SCN11A: variants seen among roughly 807,000 people sequenced by gnomAD.
SCN11A encodes sodium channel protein type 11 subunit alpha.
A neutral mutation model predicts 162.2 loss-of-function variants in SCN11A; 122 were observed. The ratio of observed to expected loss-of-function variants is 0.75; its 90% CI spans 0.65 to 0.87. The LOEUF (loss-of-function observed/expected upper bound fraction) is 0.87. SCN11A is among the 40% of genes least tolerant of loss of function. The probability of loss-of-function intolerance (pLI) is 0.00; values close to 1 mark genes in which losing one functional copy is unlikely to be tolerated. For synonymous variants in SCN11A, 758 were observed against 751.5 expected (o/e 1.01, Z -0.14); for missense variants, 2,015 against 2,181.6 (o/e 0.92, Z 1.52).
intron 23 of SCN11A, among the ~76,000 whole-genome samples, chr3:38,877,127 GTATATACTA>G (rs1559501681): frequency 1.5e-4 from 5 of 33,092 alleles, no homozygotes; most frequent in African/African-American, 5.8e-4. Context: ...TATATATGGT[GTATATACTA>G]TATATATGGT....
intron 28 of SCN11A, among the ~76,000 whole-genome samples, chr3:38,853,128 G>T (rs2126081744): frequency 6.6e-6 from 1 of 152,334 alleles, no homozygotes; most frequent in East Asian, 1.9e-4. Flanking sequence ...CATGCTCTGT[G>T]CAGTGCATCT....
intron 2 of SCN11A, among the ~76,000 whole-genome samples, chr3:38,970,464 AC>A (rs889757226): frequency 4.6e-5 from 7 of 152,254 alleles, no homozygotes; most frequent in Non-Finnish European, 1.5e-5. Context: ...ATTAAAGGTA[AC>A]TTTCTCTTTT....
chr3:38,861,187 G>A (rs949800282), intron 28 of SCN11A, among the ~76,000 whole-genome samples: 10 of 151,882 alleles, frequency 6.6e-5, no homozygotes, highest in Non-Finnish European at 2.9e-5. Flanking sequence ...CCCAACCAAG[G>A]AGATGAAAGA....
chr3:38,958,280 G>A (rs1013834604), intron 3 of SCN11A, among the ~76,000 whole-genome samples: 1 of 101,596 alleles, frequency 9.8e-6, no homozygotes, highest in African/African-American at 4.0e-5. Flanking sequence ...GTGAGGGCAG[G>A]GATTTCTCTT....
At chr3:38,889,082 A>G (rs1393614059) in intron 19 of SCN11A, among the ~76,000 whole-genome samples, 2 of 152,156 alleles carry the variant, frequency 1.3e-5, no homozygotes, top group African/African-American at 2.4e-5. Flanking sequence ...GCATAAGGGG[A>G]AAATCTTTTT....
intron 17 of SCN11A, among the ~76,000 whole-genome samples, chr3:38,898,834 G>A (rs2065648613): frequency 1.3e-5 from 2 of 152,046 alleles, no homozygotes; most frequent in African/African-American, 4.8e-5. Context: ...GGGGAGCTAG[G>A]AGCATCCCAG....
intron 23 of SCN11A, among the ~76,000 whole-genome samples, chr3:38,876,879 A>C (rs912734259): frequency 6.6e-6 from 1 of 151,904 alleles, no homozygotes; most frequent in Non-Finnish European, 1.5e-5. Context: ...GGAAATCATT[A>C]TATGAAAAAG....
chr3:38,888,198 G>A (rs1013998431), intron 19 of SCN11A, among the ~76,000 whole-genome samples: 4 of 152,210 alleles, frequency 2.6e-5, no homozygotes, highest in Non-Finnish European at 2.9e-5. Context: ...AGCTGCATAC[G>A]TAGGGAGACA....
intron 7 of SCN11A, among the ~76,000 whole-genome samples, chr3:38,941,737 T>TTAA: frequency 6.6e-6 from 1 of 150,832 alleles, no homozygotes; most frequent in Non-Finnish European, 1.5e-5. Flanking sequence ...ATATACATGA[T>TTAA]TAACACAAAA....
At chr3:38,924,645 T>C (rs1243363802) in intron 9 of SCN11A, among the ~76,000 whole-genome samples, 2 of 152,116 alleles carry the variant, frequency 1.3e-5, no homozygotes, top group Non-Finnish European at 2.9e-5. Context: ...AGTGTTGGGA[T>C]TACAGGAGTG....
rs953530757 is a variant in SCN11A, at chr3:39,039,874, T to C, written c.-403-7371A>G. 3.9e-5 allele frequency among the ~76,000 whole-genome samples: 6 copies of C among 151,938 alleles called. 1 individual carries two copies. In the South Asian group the frequency reaches 1.0e-3, roughly 26 times the overall value. The stretch of plus-strand genomic sequence containing the variant: ...TCCCAGGGACCAAGGACCTGCCCAC[T>C]TAGCACCCACTGCTGCCAGCAACCC... On this transcript the variant is annotated intron_variant, in intron 1 of 29. Transcript: ENST00000302328.
intron 2 of SCN11A, among the ~76,000 whole-genome samples, chr3:39,026,765 A>AT (rs1186990782): frequency 1.3e-5 from 2 of 152,180 alleles, no homozygotes; most frequent in African/African-American, 4.8e-5. Context: ...GGCAGCCAGG[A>AT]TAAGAAGATA....
In SCN11A at chr3:38,925,437, C is replaced by CAAAAA; in HGVS notation, c.689_690insTTTTT (p.Leu230PhefsTer3). On this transcript the variant is annotated frameshift_variant, in exon 9 of 30. Transcript: ENST00000302328. LOFTEE classifies it high-confidence loss of function. The stretch of plus-strand genomic sequence containing the variant: ...TACGTGAAACTACTGAAATTGCTTT[C>CAAAAA]AAAGCTCTGAACACACGGAAGGTAC... The CAAAAA allele has an allele frequency of 6.2e-7, 1 of 1,612,904 alleles. No individual in the cohort carries two copies.
intron 23 of SCN11A, among the ~76,000 whole-genome samples, chr3:38,874,132 A>T (rs964916046): frequency 1.3e-5 from 2 of 152,128 alleles, no homozygotes; most frequent in African/African-American, 4.8e-5. Context: ...TGTGATTTTT[A>T]CTTAATATAG....
chr3:38,861,121 A>C (rs769500358), intron 28 of SCN11A, among the ~76,000 whole-genome samples: 4 of 152,132 alleles, frequency 2.6e-5, no homozygotes. Context: ...AAACAAATCA[A>C]GAATTCAATT....
chr3:39,032,787 A>G (rs1437450181), intron 1 of SCN11A, among the ~76,000 whole-genome samples: 1 of 152,204 alleles, frequency 6.6e-6, no homozygotes, highest in East Asian at 1.9e-4. Context: ...AGATCATCTC[A>G]TTTGAATTCA....
intron 16 of SCN11A, among the ~76,000 whole-genome samples, chr3:38,902,873 A>C (rs1267747274): frequency 1.4e-5 from 2 of 144,192 alleles, no homozygotes; most frequent in African/African-American, 5.1e-5. Context: ...AAAAGACATC[A>C]CAAAAAAAAA....
intron 7 of SCN11A, among the ~76,000 whole-genome samples, chr3:38,930,885 AG>A (rs1296446446): frequency 6.6e-6 from 1 of 152,202 alleles, no homozygotes; most frequent in African/African-American, 2.4e-5. Flanking sequence ...CTGCTTAAAG[AG>A]GGGTTTTCCT....
chr3:38,998,931 T>C (rs1169384020), intron 2 of SCN11A, among the ~76,000 whole-genome samples: 1 of 140,928 alleles, frequency 7.1e-6, no homozygotes, highest in Non-Finnish European at 1.5e-5. Flanking sequence ...GGGGGAGGGA[T>C]AGCATTAGGA....
Sources: gnomAD v4.1 joint callset for allele counts (sites outside exome capture counted in the v4.1 genomes callset) on GRCh38, gnomAD v4.1.1 for gene constraint, MANE v1.5 for transcripts, NCBI Gene and HGNC (gene_info 2026-07-23, HGNC 2026-07-21) for gene names.